The following TOX variants were observed in gnomAD, a reference collection of about 807,000 sequenced individuals.
The protein encoded by TOX is thymocyte selection associated high mobility group box.
In TOX, 11 loss-of-function variants were observed where a neutral mutation model predicts 53.7. The observed-to-expected ratio is 0.20, with a 90% CI of 0.13 to 0.34. The LOEUF is 0.34. TOX is among the 10% of genes least tolerant of loss of function. TOX has a pLI of 1.00. For synonymous variants in TOX, 225 were observed against 245.3 expected (o/e 0.92, Z 0.77); for missense variants, 570 against 664.6 (o/e 0.86, Z 1.56).
chr8:59,046,560 A>C (rs1180388494), intron 1 of TOX, among the ~76,000 whole-genome samples: 1 of 152,174 alleles, frequency 6.6e-6, no homozygotes, highest in East Asian at 1.9e-4. Flanking sequence ...TTTTCCTGTT[A>C]GAAAATAACA....
At chr8:58,836,133 T>C (rs1810541260) in intron 5 of TOX, among the ~76,000 whole-genome samples, 1 of 152,188 alleles carries the variant, frequency 6.6e-6, no homozygotes, top group African/African-American at 2.4e-5. Flanking sequence ...GACAGCGAGC[T>C]ATGTCTTCAT....
At chr8:59,104,901 A>G (rs1229059064) in intron 1 of TOX, among the ~76,000 whole-genome samples, 1 of 152,118 alleles carries the variant, frequency 6.6e-6, no homozygotes, top group Non-Finnish European at 1.5e-5. Context: ...TATCACATCA[A>G]TTATACTGTG....
chr8:58,981,228 C>T (rs1813200710), intron 1 of TOX, among the ~76,000 whole-genome samples: 1 of 152,134 alleles, frequency 6.6e-6, no homozygotes, highest in African/African-American at 2.4e-5. Context: ...CCACAACTTC[C>T]ATTCTTTAAT....
chr8:58,992,107 G>T (rs951375284), intron 1 of TOX: 6 of 152,262 alleles, frequency 3.9e-5, no homozygotes, highest in Admixed American at 3.9e-4. Flanking sequence ...CTATGACTTT[G>T]TAGTTTATGT....
chr8:58,926,590 T>C (rs770467820), intron 3 of TOX, among the ~76,000 whole-genome samples: 2 of 152,214 alleles, frequency 1.3e-5, no homozygotes, highest in Non-Finnish European at 2.9e-5. Flanking sequence ...GAGGTAAACA[T>C]TTCTAGCTAA....
At chr8:58,932,083 C>G (rs1475664022) in intron 3 of TOX, among the ~76,000 whole-genome samples, 1 of 152,030 alleles carries the variant, frequency 6.6e-6, no homozygotes, top group Non-Finnish European at 1.5e-5. Context: ...TTAAGTAGAT[C>G]TTAACAATTA....
chr8:58,894,618 G>A (rs1376568600), intron 3 of TOX, among the ~76,000 whole-genome samples: 1 of 152,182 alleles, frequency 6.6e-6, no homozygotes, highest in African/African-American at 2.4e-5. Context: ...TCTGGGCCAG[G>A]TGCAGTGGCT....
intron 4 of TOX, among the ~76,000 whole-genome samples, chr8:58,839,825 T>A (rs1335974998): frequency 6.6e-6 from 1 of 152,214 alleles, no homozygotes; most frequent in African/African-American, 2.4e-5. Flanking sequence ...ACTGCCACCA[T>A]TGGAGATGAA....
intron 2 of TOX, among the ~76,000 whole-genome samples, chr8:58,954,370 C>T (rs1812676938): frequency 6.6e-6 from 1 of 152,158 alleles, no homozygotes; most frequent in South Asian, 2.1e-4. Flanking sequence ...AAAAAATGTA[C>T]ATAAAATATT....
chr8:59,020,955 A>G (rs1347964697), intron 1 of TOX, among the ~76,000 whole-genome samples: 1 of 151,998 alleles, frequency 6.6e-6, no homozygotes, highest in Non-Finnish European at 1.5e-5. Flanking sequence ...TCTACAAAAA[A>G]TAAAAAAGAA....
At chr8:59,113,168 G>A (rs936853968) in intron 1 of TOX, among the ~76,000 whole-genome samples, 12 of 152,202 alleles carry the variant, frequency 7.9e-5, no homozygotes, top group African/African-American at 2.7e-4. Context: ...CTAATTTACT[G>A]TATTCCAACT....
At chr8:58,839,597 C>T (rs980487816) in intron 4 of TOX, among the ~76,000 whole-genome samples, 4 of 152,202 alleles carry the variant, frequency 2.6e-5, no homozygotes, top group Non-Finnish European at 4.4e-5. Context: ...GATAGGATTT[C>T]TTTCCGGCTC....
chr8:58,988,645 A>G (rs1402640890), intron 1 of TOX, among the ~76,000 whole-genome samples: 1 of 152,250 alleles, frequency 6.6e-6, no homozygotes, highest in African/African-American at 2.4e-5. Context: ...TGGGCTCAAT[A>G]GGCCAACAAG....
At chr8:58,947,714 C>CA (rs769338713) in intron 2 of TOX, among the ~76,000 whole-genome samples, 8 of 152,164 alleles carry the variant, frequency 5.3e-5, no homozygotes, top group African/African-American at 1.7e-4. Flanking sequence ...TAAGTGATAT[C>CA]AGAGTGTAAA....
chr8:59,017,283 A>G, intron 1 of TOX, among the ~76,000 whole-genome samples: 1 of 152,244 alleles, frequency 6.6e-6, no homozygotes, highest in East Asian at 1.9e-4. Flanking sequence ...TGAAATTTGG[A>G]GAGACCCTGT....
In TOX at chr8:58,948,943, G is replaced by C. The variant is rs149279241; in HGVS notation, c.169-9399C>G. The stretch of plus-strand genomic sequence containing the variant: ...TAGTGCATATTTGCTAGTTGGTTTT[G>C]AGCTTTTGTTTTTGTTTTCCATAAC... On this transcript the variant is annotated intron_variant, in intron 2 of 8. Coordinates refer to ENST00000361421, the MANE Select transcript of TOX (RefSeq NM_014729.3). Among the ~76,000 whole-genome samples the C allele has an allele frequency of 2.0e-5, 3 of 152,228 alleles. No individual in the cohort carries two copies. The East Asian group carries it at 5.8e-4, about 29-fold the overall frequency.
At chr8:59,051,671 C>T (rs929434837) in intron 1 of TOX, among the ~76,000 whole-genome samples, 1 of 152,120 alleles carries the variant, frequency 6.6e-6, no homozygotes, top group African/African-American at 2.4e-5. Flanking sequence ...AGAAAATCTA[C>T]TCTAAAATTT....
chr8:59,052,755 T>C (rs560672260), intron 1 of TOX, among the ~76,000 whole-genome samples: 5 of 152,198 alleles, frequency 3.3e-5, no homozygotes, highest in Admixed American at 1.3e-4. Context: ...TTAGTAGGAT[T>C]GGCAAGACAT....
In TOX at chr8:58,872,501, A is replaced by G. The variant is rs1050698522; in HGVS notation, c.412-20696T>C. ...AGTAATGTTACATCAGTGAAACCTGACAAATACCACCTCAAGCAGGTGATC... is the reference window on the plus strand; with the variant it reads ...AGTAATGTTACATCAGTGAAACCTGGCAAATACCACCTCAAGCAGGTGATC... On this transcript the variant is annotated intron_variant, in intron 3 of 8. Transcript: ENST00000361421. Among the ~76,000 whole-genome samples, 8 of 152,080 alleles carry G rather than the reference A, an allele frequency of 5.3e-5. No individual in the cohort carries two copies. The East Asian group carries it at 1.5e-3, about 29-fold the overall frequency.
Sources: gnomAD v4.1 joint callset for allele counts (sites outside exome capture counted in the v4.1 genomes callset) on GRCh38, gnomAD v4.1.1 for gene constraint, MANE v1.5 for transcripts, NCBI Gene and HGNC (gene_info 2026-07-23, HGNC 2026-07-21) for gene names.